The following NRXN1 variants were observed in gnomAD, a reference collection of about 807,000 sequenced individuals.
NRXN1 encodes neurexin 1.
A neutral mutation model predicts 150.9 loss-of-function variants in NRXN1; 39 were observed. That is an observed-to-expected ratio of 0.26 (90% CI 0.20 to 0.34). The LOEUF is 0.34. Ranked by LOEUF, NRXN1 falls within the 10% of genes least tolerant of loss-of-function variation. The pLI is 1.00. For missense variants in NRXN1, 1,815 were observed against 1,949.9 expected, an observed-to-expected ratio of 0.93 and a Z score of 1.30; for synonymous variants, 924 against 757.0, an observed-to-expected ratio of 1.22 and a Z score of -3.62.
At chr2:49,951,808 T>A (rs138376917) in intron 21 of NRXN1, among the ~76,000 whole-genome samples, 1 of 152,054 alleles carries the variant, frequency 6.6e-6, no homozygotes, top group African/African-American at 2.4e-5. Flanking sequence ...GTGGACTAAT[T>A]AATAGATTAA....
In NRXN1 at chr2:50,434,046, T is replaced by C. The variant is rs1244033927; in HGVS notation, c.3364+31396A>G. Among the ~76,000 whole-genome samples the C allele has an allele frequency of 5.1e-3, 413 of 80,908 alleles. 75 individuals are homozygous for C. The highest frequency in any genetic ancestry group is 0.026 in the African/African-American group (335 of 12,664). 53.1% of individuals were successfully genotyped at this position (80,908 alleles called of 152,430 possible). A position where few individuals can be genotyped will look rare whatever the true frequency, so the allele number is the denominator to read the frequency against. On this transcript the variant is annotated intron_variant, in intron 17 of 22. Coordinates refer to ENST00000401669, the MANE Select transcript of NRXN1 (RefSeq NM_001330078.2). ...CCTTGCTTCCGGTATCTAAGCCATT[T>C]TTTTTTTTTTTTTTTTTTTTTTTTT...
chr2:50,497,853 T>C (rs1183062763), intron 13 of NRXN1, 139 bp from the exon 14 acceptor site: 3 of 686,304 alleles, frequency 4.4e-6, no homozygotes, highest in Non-Finnish European at 7.1e-6. Context: ...GGAAGAACAC[T>C]TAAATGATGC....
intron 17 of NRXN1, among the ~76,000 whole-genome samples, chr2:50,310,672 C>T (rs4971664): frequency 1.3e-5 from 2 of 151,978 alleles, no homozygotes; most frequent in Non-Finnish European, 2.9e-5. Flanking sequence ...TATTGGAGAA[C>T]ATTTAGTCTA....
At chr2:50,287,608 T>C (rs1520526) in intron 17 of NRXN1, among the ~76,000 whole-genome samples, 128,283 of 152,042 alleles carry the variant, frequency 0.84, 54,299 homozygotes, top group African/African-American at 0.9. Context: ...TTGCTTTCTA[T>C]CACCTGACTC....
chr2:50,177,009 C>A (rs1416140914), intron 18 of NRXN1, among the ~76,000 whole-genome samples: 1 of 152,146 alleles, frequency 6.6e-6, no homozygotes, highest in Non-Finnish European at 1.5e-5. Flanking sequence ...CATACATTAT[C>A]ATTTCAAAGC....
rs1183611584 is a variant in NRXN1 at position 50,518,994 on chromosome 2, T to C, written c.2374+9631A>G. Among the ~76,000 whole-genome samples, 6 of 152,052 alleles carry C rather than the reference T, an allele frequency of 3.9e-5. No individual in the cohort carries two copies. In the South Asian group the frequency reaches 1.2e-3, roughly 31 times the overall value. ...TTTACTGGGAAGTCATTATAATGCG[T>C]AGAAATCTATTTCTCAGTATTGTCA... On this transcript the variant is annotated intron_variant, in intron 12 of 22. Transcript: ENST00000401669.
At position 50,967,285 on chromosome 2, in the gene NRXN1, T is replaced by C. The variant is rs372883005; in HGVS notation, c.773-41330A>G. 3.5e-3 allele frequency among the ~76,000 whole-genome samples: 532 copies of C among 152,080 alleles called. 3 individuals are homozygous for C. Among genetic ancestry groups the C allele is most frequent in the African/African-American group, 0.012 (489 of 41,546 alleles). ...TAGATTTATATGAATTCTTTTATCA[T>C]TTTATAACTACATTTATCTAAGACT... is the stretch of plus-strand genomic sequence containing the variant. On this transcript the variant is annotated intron_variant, in intron 2 of 22. Transcript: ENST00000401669.
At chr2:50,928,345 C>G (rs756926035) in intron 2 of NRXN1, among the ~76,000 whole-genome samples, 8 of 151,942 alleles carry the variant, frequency 5.3e-5, no homozygotes, top group Non-Finnish European at 1.2e-4. Context: ...CTTTCAGATT[C>G]AATCTCAGAA....
At chr2:50,693,833 C>T (rs780749324) in intron 5 of NRXN1, among the ~76,000 whole-genome samples, 4 of 152,126 alleles carry the variant, frequency 2.6e-5, no homozygotes, top group Non-Finnish European at 5.9e-5. Flanking sequence ...ACTCTGTTGT[C>T]CAGGCTGAAG....
intron 5 of NRXN1, among the ~76,000 whole-genome samples, chr2:50,755,970 C>T (rs531566648): frequency 1.3e-5 from 2 of 151,692 alleles, no homozygotes; most frequent in East Asian, 2.0e-4. Flanking sequence ...AGAGAGGTGA[C>T]AAAAAGATAT....
chr2:50,842,170 AC>A (rs1217088560), intron 5 of NRXN1, among the ~76,000 whole-genome samples: 1 of 152,108 alleles, frequency 6.6e-6, no homozygotes, highest in Non-Finnish European at 1.5e-5. Flanking sequence ...CCAATTATTA[AC>A]CTTCCATTAA....
intron 5 of NRXN1, among the ~76,000 whole-genome samples, chr2:50,794,924 T>C (rs1346150710): frequency 6.6e-6 from 1 of 152,126 alleles, no homozygotes; most frequent in African/African-American, 2.4e-5. Context: ...AATTTGCTCA[T>C]CAACCTCATC....
At chr2:50,853,294 G>A (rs1428150099) in intron 5 of NRXN1, among the ~76,000 whole-genome samples, 2 of 152,028 alleles carry the variant, frequency 1.3e-5, no homozygotes, top group Non-Finnish European at 2.9e-5. Context: ...ATGAAAATCT[G>A]CATGAGAGCA....
chr2:51,029,149 G>C lies in NRXN1; in HGVS notation c.-876C>G, dbSNP rs201060771. On this transcript the variant is annotated 5_prime_UTR_variant, in exon 2 of 23. Coordinates refer to ENST00000401669, the MANE Select transcript of NRXN1 (RefSeq NM_001330078.2). ...CAGCACATCAATTGGTTGTGTGTTG[G>C]TGATGCATTTTGGTTTTATCTTGTC... The C allele has an allele frequency of 6.6e-6, 1 of 152,248 alleles. No individual in the cohort carries two copies. Among genetic ancestry groups the C allele is most frequent in the Non-Finnish European group, 1.5e-5 (1 of 68,048 alleles). 9.4% of individuals were successfully genotyped at this position (152,248 alleles called of 1,614,324 possible). A position where few individuals can be genotyped will look rare whatever the true frequency, so the allele number is the denominator to read the frequency against.
At chr2:50,396,604 C>G (rs1174203900) in intron 17 of NRXN1, among the ~76,000 whole-genome samples, 1 of 151,954 alleles carries the variant, frequency 6.6e-6, no homozygotes, top group Non-Finnish European at 1.5e-5. Flanking sequence ...TTGGTGTTAA[C>G]AGGGCTATGT....
chr2:50,712,938 AT>A (rs1178618393), intron 5 of NRXN1, among the ~76,000 whole-genome samples: 2 of 152,200 alleles, frequency 1.3e-5, no homozygotes, highest in African/African-American at 4.8e-5. Context: ...TCTGATGGAA[AT>A]GATATCATTT....
intron 18 of NRXN1, among the ~76,000 whole-genome samples, chr2:50,195,227 G>A (rs548612542): frequency 2.0e-5 from 3 of 152,168 alleles, no homozygotes; most frequent in Admixed American, 6.6e-5. Flanking sequence ...TATACATTCC[G>A]CTGGAGAAGC....
intron 18 of NRXN1, chr2:50,199,074 CA>C (rs1264703905): frequency 6.6e-6 from 1 of 152,146 alleles, no homozygotes; most frequent in East Asian, 1.9e-4. Flanking sequence ...TGCTACTTTG[CA>C]AATGGTTCAT....
chr2:50,384,985 T>C (rs1231228281), intron 17 of NRXN1, among the ~76,000 whole-genome samples: 1 of 152,186 alleles, frequency 6.6e-6, no homozygotes, highest in Admixed American at 6.6e-5. Flanking sequence ...AGAAAATTCC[T>C]CAAACTCCAT....
Sources: gnomAD v4.1 joint callset for allele counts (sites outside exome capture counted in the v4.1 genomes callset) on GRCh38, gnomAD v4.1.1 for gene constraint, MANE v1.5 for transcripts, NCBI Gene and HGNC (gene_info 2026-07-23, HGNC 2026-07-21) for gene names.